Variants in LGMN observed in about 807,000 individuals in gnomAD.
LGMN encodes asparaginyl endopeptidase.
Under a neutral mutation model 56.8 loss-of-function variants are expected in LGMN, and 36 were observed. The observed-to-expected ratio is 0.63, with a 90% CI of 0.49 to 0.84. The LOEUF (loss-of-function observed/expected upper bound fraction) is 0.84. LGMN is among the 40% of genes least tolerant of loss of function. The pLI is 0.00. For missense variants in LGMN, 446 were observed against 556.1 expected (o/e 0.80, Z 1.99); for synonymous variants, 199 against 210.1 (o/e 0.95, Z 0.46).
At position 92,704,094 on chromosome 14, in the gene LGMN, T is replaced by A. The variant is rs562124809; in HGVS notation, c.*225A>T. 48 of 707,432 alleles carry A rather than the reference T, an allele frequency of 6.8e-5. No homozygotes were observed. Among genetic ancestry groups the A allele is most frequent in the South Asian group, 3.0e-4 (20 of 67,052 alleles). The allele number at this position is 707,432 out of a possible 1,614,324, so 43.8% of individuals were successfully genotyped here. On this transcript the variant is annotated 3_prime_UTR_variant, in exon 14 of 14. Transcript: ENST00000334869. ...AGAAAGCAAATATGACCCTTCTCAA[T>A]ACAGAGCTTTTCCCACCCTAATTTG...
chr14:92,715,458 C>T (rs1287887585), intron 5 of LGMN, among the ~76,000 whole-genome samples: 1 of 152,138 alleles, frequency 6.6e-6, no homozygotes, highest in East Asian at 1.9e-4. Context: ...TCAAGTGATC[C>T]GCCCACCTTG....
Position 92,706,618 on chromosome 14 carries a change from G to A in LGMN, c.1056C>T (p.Ile352=), listed in dbSNP as rs141204016. ...CCTCGGACGCTGCCAGCAAGGAGAC[G>A]ATCTTACGCACTGACTTCTCAATGA... is the stretch of plus-strand genomic sequence containing the variant. The part of the protein sequence containing the change: ...RHLIEKSVRK[I]VSLLAASEAE... The change falls in exon 12 of 14, where the codon ATC becomes ATT. Residue 352 remains isoleucine, a synonymous_variant. Coordinates refer to ENST00000334869, the MANE Select transcript of LGMN (RefSeq NM_005606.7). The A allele has an allele frequency of 1.1e-5, 18 of 1,600,536 alleles. No individual in the cohort carries two copies. Among genetic ancestry groups the A allele is most frequent in the South Asian group, 4.4e-5 (4 of 90,446 alleles).
rs192090530 is a variant in LGMN, at chr14:92,718,510, G to A, written c.236+237C>T. ...GATCACTTGAACCCAGGAAGTGGAG[G>A]TTGCAGTGAGCCGAGATCGCACCAC... On this transcript the variant is annotated intron_variant, in intron 3 of 13. Coordinates refer to ENST00000334869, the MANE Select transcript of LGMN (RefSeq NM_005606.7). Among the ~76,000 whole-genome samples, 102 of 152,088 alleles carry A rather than the reference G, an allele frequency of 6.7e-4. 1 individual carries two copies. The highest frequency in any genetic ancestry group is 2.4e-3 in the African/African-American group (98 of 41,460).
chr14:92,746,606 C>T (rs1891830683), intron 1 of LGMN, among the ~76,000 whole-genome samples: 1 of 152,214 alleles, frequency 6.6e-6, no homozygotes, highest in Non-Finnish European at 1.5e-5. Context: ...TTCTCCAACA[C>T]TTTTCCACAC....
At chr14:92,722,527 T>C (rs772344613) in intron 2 of LGMN, among the ~76,000 whole-genome samples, 34 of 149,756 alleles carry the variant, frequency 2.3e-4, no homozygotes, top group Non-Finnish European at 3.7e-4. Flanking sequence ...GAGGTTGCAG[T>C]GAGCCGAGAT....
rs182236925 is a variant in LGMN at position 92,717,316 on chromosome 14, G to C, written c.318+64C>G. ...ATTCTGATTCTAGAAACAGAAGAAA[G>C]AGGGAAAAATCATCACTAAAATGAA... is the stretch of plus-strand genomic sequence containing the variant. On this transcript the variant is annotated intron_variant, in intron 4 of 13. Transcript: ENST00000334869. 2.5e-5 allele frequency: 25 copies of C among 997,690 alleles called. No homozygotes were observed. In the African/African-American group the frequency reaches 3.0e-4, roughly 12 times the overall value. The allele number at this position is 997,690 out of a possible 1,614,324, so 61.8% of individuals were successfully genotyped here.
intron 1 of LGMN, among the ~76,000 whole-genome samples, chr14:92,743,765 C>A (rs1479909703): frequency 1.3e-5 from 2 of 149,720 alleles, no homozygotes; most frequent in Non-Finnish European, 3.0e-5. Context: ...CAAACCACAG[C>A]ACTCCTAAGC....
chr14:92,717,512 C>G lies in LGMN; in HGVS notation c.237-51G>C, dbSNP rs776385540. 3 of 1,330,512 alleles carry G rather than the reference C, an allele frequency of 2.3e-6. No homozygotes were observed. The African/African-American group carries it at 4.3e-5, about 19-fold the overall frequency. The allele number at this position is 1,330,512 out of a possible 1,614,324, so 82.4% of individuals were successfully genotyped here. The stretch of plus-strand genomic sequence containing the variant: ...ACGAGATGTGGCATGCCTCCGAAAT[C>G]TCTCTCTTCAAACACATGTATGTTA... On this transcript the variant is annotated intron_variant, in intron 3 of 13. Coordinates refer to ENST00000334869, the MANE Select transcript of LGMN (RefSeq NM_005606.7).
intron 2 of LGMN, among the ~76,000 whole-genome samples, chr14:92,729,593 T>C (rs1203814986): frequency 1.3e-5 from 2 of 151,014 alleles, no homozygotes; most frequent in Non-Finnish European, 2.9e-5. Flanking sequence ...CACTTAGCAA[T>C]GATTTATTTG....
chr14:92,733,161 A>G (rs1352706349), intron 1 of LGMN, among the ~76,000 whole-genome samples: 1 of 152,020 alleles, frequency 6.6e-6, no homozygotes. Flanking sequence ...AAAAAAAAAA[A>G]AAAAAGAACA....
At chr14:92,717,349 C>A in intron 4 of LGMN, 31 bp downstream of exon 4, 1 of 1,342,140 alleles carries the variant, frequency 7.5e-7, no homozygotes, top group Non-Finnish European at 1.0e-6. Context: ...GAAAACTAAA[C>A]CAGCTGGCTC....
chr14:92,745,148 A>C (rs745448699), intron 1 of LGMN, among the ~76,000 whole-genome samples: 3 of 152,206 alleles, frequency 2.0e-5, no homozygotes, highest in Non-Finnish European at 4.4e-5. Flanking sequence ...AAACAAAAAA[A>C]TTTAAAAATC....
rs748330454 is a variant in LGMN, at chr14:92,714,501, T to C, written c.405-50A>G. The C allele has an allele frequency of 1.5e-6, 2 of 1,338,482 alleles. No individual in the cohort carries two copies. Among genetic ancestry groups the C allele is most frequent in the Non-Finnish European group, 1.1e-6 (1 of 942,684 alleles). The allele number at this position is 1,338,482 out of a possible 1,614,324, so 82.9% of individuals were successfully genotyped here. A position where few individuals can be genotyped will look rare whatever the true frequency, so the allele number is the denominator to read the frequency against. On this transcript the variant is annotated intron_variant, in intron 5 of 13. Transcript: ENST00000334869. This position sits in a 1 kb window ranked among gnomAD's most constrained non-coding sequence, Gnocchi z 5.1. ...ATCATTTCCTTTTTCTGTTTTTACT[T>C]CTATTTCTCTGAAAAGCTGCCCTAA... is the stretch of plus-strand genomic sequence containing the variant.
rs1595531386 is a variant in LGMN at position 92,712,655 on chromosome 14, G to A, written c.610+150C>T. 4 of 670,908 alleles carry A rather than the reference G, an allele frequency of 6.0e-6. No individual in the cohort carries two copies. In the East Asian group the frequency reaches 1.1e-4, roughly 18 times the overall value. The allele number at this position is 670,908 out of a possible 1,614,324, so 41.6% of individuals were successfully genotyped here. ...TACCAGTGCTTCAGAAGCAGAGGAA[G>A]CCCAGAGCTACCTGCAAGTATCTCC... On this transcript the variant is annotated intron_variant, in intron 8 of 13. Coordinates refer to ENST00000334869, the MANE Select transcript of LGMN (RefSeq NM_005606.7).
chr14:92,746,058 T>A (rs1891807014), intron 1 of LGMN, among the ~76,000 whole-genome samples: 1 of 152,146 alleles, frequency 6.6e-6, no homozygotes, highest in South Asian at 2.1e-4. Flanking sequence ...CCTGACGTCA[T>A]GATCCGCCCG....
In LGMN at chr14:92,748,563, C is replaced by A; in HGVS notation, c.-104G>T. ...ACCGCGGTGGTGGCGCCGGCGGGAC[C>A]GTGAGAACTCGCGGCGGCTCGCAGC... On this transcript the variant is annotated 5_prime_UTR_variant, in exon 1 of 14. Transcript: ENST00000334869. 6.5e-6 allele frequency: 1 copy of A among 154,538 alleles called. No homozygotes were observed. Among genetic ancestry groups the A allele is most frequent in the South Asian group, 1.7e-4 (1 of 5,782 alleles). The allele number at this position is 154,538 out of a possible 1,614,324, so 9.6% of individuals were successfully genotyped here. A position where few individuals can be genotyped will look rare whatever the true frequency, so the allele number is the denominator to read the frequency against.
At chr14:92,728,549 T>A (rs957344697) in intron 2 of LGMN, among the ~76,000 whole-genome samples, 1 of 152,178 alleles carries the variant, frequency 6.6e-6, no homozygotes, top group Non-Finnish European at 1.5e-5. Context: ...GTGTATGCGG[T>A]CCATCACTGA....
intron 9 of LGMN, 42 bp downstream of exon 9, chr14:92,711,795 C>A (rs1047754216): frequency 1.9e-6 from 3 of 1,609,604 alleles, no homozygotes; most frequent in Admixed American, 1.7e-5. Flanking sequence ...CAGAGTCTGA[C>A]GGTTAAACCC....
chr14:92,730,434 T>A (rs74539707), intron 2 of LGMN, among the ~76,000 whole-genome samples: 47 of 152,280 alleles, frequency 3.1e-4, no homozygotes, highest in African/African-American at 1.0e-3. Flanking sequence ...TCATTTTTTT[T>A]AAACAAGGTC....
Sources: allele counts gnomAD v4.1 joint callset (sites outside exome capture counted in the v4.1 genomes callset), GRCh38; gene constraint gnomAD v4.1.1; non-coding constraint Gnocchi (gnomAD v3.1); transcripts MANE v1.5; gene names NCBI Gene and HGNC (gene_info 2026-07-23, HGNC 2026-07-21).